EYS: variants seen among roughly 807,000 people sequenced by gnomAD.
EYS encodes the protein EGF-like photoreceptor maintenance factor, also known as protein eyes shut homolog.
EYS carries 250 observed loss-of-function variants against 282.1 expected under a neutral mutation model. The observed-to-expected ratio is 0.89, with a 90% CI of 0.80 to 0.98. The LOEUF is 0.98. Ranked by LOEUF, EYS falls within the 50% of genes least tolerant of loss-of-function variation. The probability of loss-of-function intolerance (pLI) is 0.00; values close to 1 mark genes in which losing one functional copy is unlikely to be tolerated. For synonymous variants in EYS, 1,355 were observed against 1,282.9 expected (o/e 1.06, Z -1.20); for missense variants, 4,016 against 3,709.0 (o/e 1.08, Z -2.15).
chr6:65,642,094 G>T (rs1767295729), intron 1 of EYS, among the ~76,000 whole-genome samples: 1 of 152,138 alleles, frequency 6.6e-6, no homozygotes, highest in Non-Finnish European at 1.5e-5. Context: ...GCCTCGAGGA[G>T]TTCTGAGTAT....
intron 26 of EYS, among the ~76,000 whole-genome samples, chr6:64,577,485 C>T (rs1354519577): frequency 1.3e-5 from 2 of 150,258 alleles, no homozygotes; most frequent in Non-Finnish European, 3.0e-5. Context: ...AAAAATGCAC[C>T]CTACACACAC....
At chr6:64,272,988 T>G (rs911709543) in intron 30 of EYS, among the ~76,000 whole-genome samples, 2 of 152,146 alleles carry the variant, frequency 1.3e-5, no homozygotes, top group Admixed American at 1.3e-4. Flanking sequence ...AATGTTTTTG[T>G]ATTTTCTTTT....
rs1243238249 is a variant in EYS at position 65,005,736 on chromosome 6, A to G, written c.2138-8033T>C. On this transcript the variant is annotated intron_variant, in intron 13 of 42. Coordinates refer to ENST00000503581, the MANE Select transcript of EYS (RefSeq NM_001142800.2). ...TGCCTGGAGCCAGCTTCCACTTTCA[A>G]TTTTCTTGGAGAAGCTGAGGACCGA... 1.3e-5 allele frequency among the ~76,000 whole-genome samples: 2 copies of G among 149,044 alleles called. 1 individual carries two copies. The highest frequency in any genetic ancestry group is 3.0e-5 in the Non-Finnish European group (2 of 66,646).
At chr6:65,071,559 G>A (rs1224291464) in intron 12 of EYS, among the ~76,000 whole-genome samples, 1 of 151,616 alleles carries the variant, frequency 6.6e-6, no homozygotes, top group African/African-American at 2.4e-5. Flanking sequence ...TAGTGACATG[G>A]TATCCCCATG....
chr6:64,626,096 T>A, intron 23 of EYS, 25 bp downstream of exon 23: 1 of 1,350,478 alleles, frequency 7.4e-7, no homozygotes, highest in Non-Finnish European at 1.0e-6. Context: ...ATATGCAGTA[T>A]GCTTATTATT....
chr6:64,182,109 T>C (rs1764804148), intron 31 of EYS, among the ~76,000 whole-genome samples: 1 of 152,106 alleles, frequency 6.6e-6, no homozygotes, highest in African/African-American at 2.4e-5. Flanking sequence ...TAGTGTGAAA[T>C]AAAAAAATTG....
chr6:65,387,736 A>G (rs1163702472), intron 7 of EYS, among the ~76,000 whole-genome samples: 1 of 151,822 alleles, frequency 6.6e-6, no homozygotes, highest in African/African-American at 2.4e-5. Flanking sequence ...AACTTGAAAT[A>G]CTCTCATCAC....
intron 30 of EYS, among the ~76,000 whole-genome samples, chr6:64,247,074 A>G (rs770207531): frequency 1.2e-4 from 18 of 152,102 alleles, no homozygotes; most frequent in Non-Finnish European, 2.6e-4. Flanking sequence ...CATTTATTAT[A>G]TTAATTAAAT....
At chr6:63,867,307 A>C (rs1404480320) in intron 35 of EYS, among the ~76,000 whole-genome samples, 4 of 152,166 alleles carry the variant, frequency 2.6e-5, no homozygotes, top group South Asian at 2.1e-4. Flanking sequence ...TTTTCATGGA[A>C]TATATCTTTT....
intron 26 of EYS, among the ~76,000 whole-genome samples, chr6:64,543,052 G>C (rs1422332923): frequency 6.6e-6 from 1 of 152,066 alleles, no homozygotes; most frequent in Non-Finnish European, 1.5e-5. Flanking sequence ...TAATTTCCAT[G>C]GTTGAGTAGA....
At chr6:65,455,985 AAG>A (rs34787504) in intron 5 of EYS, among the ~76,000 whole-genome samples, 2 of 149,786 alleles carry the variant, frequency 1.3e-5, no homozygotes, top group African/African-American at 4.9e-5. Flanking sequence ...GAAAGAAAGA[AAG>A]AGAGAGAGAA....
chr6:64,419,685 G>T (rs1474959363), intron 28 of EYS, among the ~76,000 whole-genome samples: 1 of 152,202 alleles, frequency 6.6e-6, no homozygotes, highest in African/African-American at 2.4e-5. Context: ...GTTCTGAAAT[G>T]ATCTCCTTTG....
chr6:64,013,500 A>G (rs1768744310), intron 33 of EYS, among the ~76,000 whole-genome samples: 1 of 152,208 alleles, frequency 6.6e-6, no homozygotes, highest in African/African-American at 2.4e-5. Context: ...GATGAGTGTC[A>G]ATGGGATGCT....
chr6:65,539,557 G>A (rs932675946), intron 2 of EYS, among the ~76,000 whole-genome samples: 18 of 152,096 alleles, frequency 1.2e-4, no homozygotes, highest in African/African-American at 3.4e-4. Flanking sequence ...ATAATACTCC[G>A]AATCACCATG....
chr6:64,316,991 TG>T (rs1297814435), intron 29 of EYS, among the ~76,000 whole-genome samples: 1 of 152,184 alleles, frequency 6.6e-6, no homozygotes, highest in African/African-American at 2.4e-5. Flanking sequence ...TAAATGGTTT[TG>T]GGAAAACTGG....
rs889132146 is a variant in EYS, at chr6:64,851,634, C to A, written c.2993-28812G>T. Among the ~76,000 whole-genome samples, 3 of 152,066 alleles carry A rather than the reference C, an allele frequency of 2.0e-5. No homozygotes were observed. In the East Asian group the frequency reaches 5.8e-4, roughly 29 times the overall value. On this transcript the variant is annotated intron_variant, in intron 19 of 42. Coordinates refer to ENST00000503581, the MANE Select transcript of EYS (RefSeq NM_001142800.2). ...ATGCAGCCATAAAAAAGAATGAGAT[C>A]GTGTCCTTTTCTGGGACATGGATAG...
intron 12 of EYS, among the ~76,000 whole-genome samples, chr6:65,267,696 G>A (rs1767795288): frequency 6.6e-6 from 1 of 151,878 alleles, no homozygotes. Flanking sequence ...AATTCCGATT[G>A]GTAACTATCA....
chr6:64,193,479 C>CT (rs983891691), intron 31 of EYS, among the ~76,000 whole-genome samples: 16 of 150,682 alleles, frequency 1.1e-4, no homozygotes, highest in South Asian at 4.2e-4. Context: ...CCCGGCTAAT[C>CT]TTTTTTTTTC....
rs574216797 is a variant in EYS at position 64,905,376 on chromosome 6, G to A, written c.2642-2876C>T. ...AGTTTGTTATTACTAATTTTATGCT[G>A]TTCCCCTGTTCTTTATTCCTACTCA... On this transcript the variant is annotated intron_variant, in intron 16 of 42. Transcript: ENST00000503581. Among the ~76,000 whole-genome samples, 4 of 152,298 alleles carry A rather than the reference G, an allele frequency of 2.6e-5. No homozygotes were observed. In the East Asian group the frequency reaches 5.8e-4, roughly 22 times the overall value.
Sources: allele counts gnomAD v4.1 joint callset (sites outside exome capture counted in the v4.1 genomes callset), GRCh38; gene constraint gnomAD v4.1.1; transcripts MANE v1.5; gene names NCBI Gene and HGNC (gene_info 2026-07-23, HGNC 2026-07-21).